FKBP4: variants seen among roughly 807,000 people sequenced by gnomAD.
The protein encoded by FKBP4 is peptidyl-prolyl cis-trans isomerase FKBP4.
Under a neutral mutation model 54.1 loss-of-function variants are expected in FKBP4, and 28 were observed. The observed-to-expected ratio is 0.52, with a 90% CI of 0.38 to 0.71. The LOEUF (loss-of-function observed/expected upper bound fraction) is 0.71, where lower values mean the gene tolerates loss of function less well. Among genes scored for constraint, FKBP4 ranks in the 30% least tolerant of loss-of-function variants. The probability of loss-of-function intolerance (pLI) is 0.00; values close to 1 mark genes in which losing one functional copy is unlikely to be tolerated. For synonymous variants in FKBP4, 223 were observed against 216.1 expected (o/e 1.03, Z -0.28); for missense variants, 493 against 574.4 (o/e 0.86, Z 1.45).
At chr12:2,796,012 A>ACTC in intron 1 of FKBP4, 2 of 1,152,762 alleles carry the variant, frequency 1.7e-6, no homozygotes, top group South Asian at 3.4e-5. Context: ...CCTGCCGCCG[A>ACTC]GTGACCGCTC....
At position 2,799,148 on chromosome 12, in the gene FKBP4, T is replaced by A. The variant is rs376456473; in HGVS notation, c.575T>A (p.Ile192Asn). ...GACCAGCGGGAGCTCCGCTTTGAGA[T>A]TGGCGAGGGGGAGAACCTGGATCTG... The part of the protein sequence containing the change: ...LFDQRELRFE[I>N]GEGENLDLPY... Residue 192 changes from isoleucine to asparagine, a missense_variant, in exon 5 of 10, where the codon ATT (isoleucine) becomes AAT (asparagine). By Grantham distance (149) the Ile-to-Asn change is moderately radical. Coordinates refer to ENST00000001008, the MANE Select transcript of FKBP4 (RefSeq NM_002014.4). 6.3e-7 allele frequency: 1 copy of A among 1,589,062 alleles called. No homozygotes were observed. Among genetic ancestry groups the A allele is most frequent in the Non-Finnish European group, 8.5e-7 (1 of 1,170,284 alleles).
chr12:2,798,644 G>T lies in FKBP4; in HGVS notation c.394-62G>T. 3 of 1,609,668 alleles carry T rather than the reference G, an allele frequency of 1.9e-6. No individual in the cohort carries two copies. The highest frequency in any genetic ancestry group is 1.1e-5 in the South Asian group (1 of 90,754). ...AGTAGGGACTCTCTCGGATGAGAAA[G>T]ATTGTGTTTCACTGCCCATGAGTTA... is the stretch of plus-strand genomic sequence containing the variant. On this transcript the variant is annotated intron_variant, in intron 3 of 9. Transcript: ENST00000001008. The surrounding 1 kb of genome is among the most constrained non-coding windows in gnomAD (Gnocchi z 4.3).
rs1232350601 is a variant in FKBP4, at chr12:2,805,191, T to C, written c.*1933T>C. 1 of 455,978 alleles carries C rather than the reference T, an allele frequency of 2.2e-6. No individual in the cohort carries two copies. Among genetic ancestry groups the C allele is most frequent in the Admixed American group, 2.3e-5 (1 of 42,558 alleles). 28.2% of individuals were successfully genotyped at this position (455,978 alleles called of 1,614,324 possible). ...AGATAAGAAAACCAAGACTCAGAAGTTAAATGGAAAGGTGAGGTCTCTGAA... is the reference window on the plus strand; with the variant it reads ...AGATAAGAAAACCAAGACTCAGAAGCTAAATGGAAAGGTGAGGTCTCTGAA... On this transcript the variant is annotated 3_prime_UTR_variant, in exon 10 of 10. Transcript: ENST00000001008.
intron 2 of FKBP4, 29 bp from the exon 3 acceptor site, chr12:2,797,700 G>T (rs948480379): frequency 5.0e-6 from 8 of 1,597,600 alleles, no homozygotes; most frequent in Non-Finnish European, 6.8e-6. Flanking sequence ...ACCCTGCTAA[G>T]GCGGTCCTGT....
rs545297834 is a variant in FKBP4 at position 2,801,904 on chromosome 12, T to A, written c.1272+548T>A. 504 of 171,666 alleles carry A rather than the reference T, an allele frequency of 2.9e-3. 7 individuals carry two copies. The highest frequency in any genetic ancestry group is 0.011 in the African/African-American group (444 of 42,016). 10.6% of individuals were successfully genotyped at this position (171,666 alleles called of 1,614,324 possible). On this transcript the variant is annotated intron_variant, in intron 9 of 9. Transcript: ENST00000001008. The stretch of plus-strand genomic sequence containing the variant: ...GTCTTGGATGGTCCAGTGTATTGCG[T>A]CAAGGCACAGGCAGACGTTCCTGTT...
In FKBP4 at chr12:2,795,067, A is replaced by G. The variant is rs1324733194; in HGVS notation, c.-73A>G. The G allele has an allele frequency of 4.2e-6, 4 of 945,980 alleles. No homozygotes were observed. Among genetic ancestry groups the G allele is most frequent in the South Asian group, 5.1e-5 (1 of 19,686 alleles). The allele number at this position is 945,980 out of a possible 1,614,324, so 58.6% of individuals were successfully genotyped here. On this transcript the variant is annotated 5_prime_UTR_variant, in exon 1 of 10. Transcript: ENST00000001008. The surrounding 1 kb of genome is among the most constrained non-coding windows in gnomAD (Gnocchi z 4.3). ...CCGGCCTCCCGCACGCCCCGCAGGTAGCGCCCCCGCCCGCGGCCCAGAGTG... is the reference window on the plus strand; with the variant it reads ...CCGGCCTCCCGCACGCCCCGCAGGTGGCGCCCCCGCCCGCGGCCCAGAGTG...
rs764677028 is a variant in FKBP4, at chr12:2,801,299, C to A, written c.1215C>A (p.Ala405=). The change falls in exon 9 of 10, where the codon GCC becomes GCA. Residue 405 remains alanine (A), a synonymous_variant. Coordinates refer to ENST00000001008, the MANE Select transcript of FKBP4 (RefSeq NM_002014.4). ...AGCAGCGGATCCGAAGGCAGCTTGC[C>A]CGGGAGAAGAAGCTCTATGCCAATA... ...VCQQRIRRQL[A]REKKLYANMF... 18 of 1,614,116 alleles carry A rather than the reference C, an allele frequency of 1.1e-5. No individual in the cohort carries two copies. The highest frequency in any genetic ancestry group is 1.5e-5 in the Non-Finnish European group (18 of 1,180,036).
In FKBP4 at chr12:2,800,510, A is replaced by G; in HGVS notation, c.965A>G (p.His322Arg). 6.2e-7 allele frequency: 1 copy of G among 1,614,070 alleles called. No homozygotes were observed. The highest frequency in any genetic ancestry group is 1.7e-5 in the Admixed American group (1 of 60,002). Residue 322 changes from histidine (H) to arginine (R), a missense_variant, in exon 8 of 10, where the codon CAC becomes CGC. Transcript: ENST00000001008. Reference sequence around the variant, plus strand: ...GCACAGGCCCTTCGACTGGCCTCTCACCTCAACCTGGCCATGTGTCATCTG... The same window carrying G: ...GCACAGGCCCTTCGACTGGCCTCTCGCCTCAACCTGGCCATGTGTCATCTG... ...QKAQALRLAS[H>R]LNLAMCHLKL...
At chr12:2,803,072 C>A in intron 9 of FKBP4, 79 bp from the exon 10 acceptor site, 1 of 1,007,438 alleles carries the variant, frequency 9.9e-7, no homozygotes, top group Non-Finnish European at 1.5e-6. Flanking sequence ...ATGGGTGTAT[C>A]TGTGTAATTC....
In FKBP4 at chr12:2,795,281, C is replaced by T. The variant is rs758053547; in HGVS notation, c.105+37C>T. On this transcript the variant is annotated intron_variant, in intron 1 of 9. Coordinates refer to ENST00000001008, the MANE Select transcript of FKBP4 (RefSeq NM_002014.4). The surrounding 1 kb of genome is among the most constrained non-coding windows in gnomAD (Gnocchi z 4.3). ...CGGGGCCTGCGGAGGCGTCGGAACCCGGGGCCCCGCGGGCCGCCCTTCCGC... is the reference window on the plus strand; with the variant it reads ...CGGGGCCTGCGGAGGCGTCGGAACCTGGGGCCCCGCGGGCCGCCCTTCCGC... 2 of 1,130,220 alleles carry T rather than the reference C, an allele frequency of 1.8e-6. No individual in the cohort carries two copies. The highest frequency in any genetic ancestry group is 2.2e-6 in the Non-Finnish European group (2 of 895,648). 70.0% of individuals were successfully genotyped at this position (1,130,220 alleles called of 1,614,324 possible). A position where few individuals can be genotyped will look rare whatever the true frequency, so the allele number is the denominator to read the frequency against.
chr12:2,800,338 G>T, intron 7 of FKBP4, 54 bp from the exon 8 acceptor site: 1 of 1,555,784 alleles, frequency 6.4e-7, no homozygotes, highest in Non-Finnish European at 8.7e-7. Flanking sequence ...CAGGGTATAA[G>T]AGCCTAGTAC....
At position 2,804,017 on chromosome 12, in the gene FKBP4, C is replaced by T. The variant is rs2097906254; in HGVS notation, c.*759C>T. 6.6e-6 allele frequency: 1 copy of T among 152,336 alleles called. No individual in the cohort carries two copies. Among genetic ancestry groups the T allele is most frequent in the African/African-American group, 2.4e-5 (1 of 41,256 alleles). 9.4% of individuals were successfully genotyped at this position (152,336 alleles called of 1,614,324 possible). ...GGTGGGTACATAATGGGTAGTAGCACAATCAAGGGGTCACCCACTTAGTTC... is the reference window on the plus strand; with the variant it reads ...GGTGGGTACATAATGGGTAGTAGCATAATCAAGGGGTCACCCACTTAGTTC... On this transcript the variant is annotated 3_prime_UTR_variant, in exon 10 of 10. Transcript: ENST00000001008.
In FKBP4 at chr12:2,797,106, TG is replaced by T. The variant is rs1014322400; in HGVS notation, c.106-28del. Reference sequence around the variant, plus strand: ...TGGTGCCCCTTTCTGCCCCAAACCCTGGGGTACTCACTTTCTCCCCCTTCCT... The same window carrying T: ...TGGTGCCCCTTTCTGCCCCAAACCCTGGGTACTCACTTTCTCCCCCTTCCT... On this transcript the variant is annotated intron_variant, in intron 1 of 9. Coordinates refer to ENST00000001008, the MANE Select transcript of FKBP4 (RefSeq NM_002014.4). 44 of 1,611,202 alleles carry T rather than the reference TG, an allele frequency of 2.7e-5. 1 individual carries two copies. The Admixed American group carries it at 5.0e-4, about 18-fold the overall frequency.
At chr12:2,796,563 A>G in intron 1 of FKBP4, 1 of 1,187,396 alleles carries the variant, frequency 8.4e-7, no homozygotes, top group Non-Finnish European at 1.1e-6. Context: ...TCAGCTCCCA[A>G]GTCAGAGTTT....
rs1253594090 is a variant in FKBP4, at chr12:2,804,459, A to T, written c.*1201A>T. ...AGTGTTCACGTCCAGCTTCCTTCTC[A>T]GCCTTAACAGGAAAAGGCTTGTGCT... On this transcript the variant is annotated 3_prime_UTR_variant, in exon 10 of 10. Coordinates refer to ENST00000001008, the MANE Select transcript of FKBP4 (RefSeq NM_002014.4). The T allele has an allele frequency of 6.6e-6, 1 of 152,260 alleles. No individual in the cohort carries two copies. The highest frequency in any genetic ancestry group is 1.5e-5 in the Non-Finnish European group (1 of 68,068). The allele number at this position is 152,260 out of a possible 1,614,324, so 9.4% of individuals were successfully genotyped here. A position where few individuals can be genotyped will look rare whatever the true frequency, so the allele number is the denominator to read the frequency against.
In FKBP4 at chr12:2,797,784, G is replaced by T. The variant is rs763351881; in HGVS notation, c.306G>T (p.Val102=). 1 of 1,613,894 alleles carries T rather than the reference G, an allele frequency of 6.2e-7. No individual in the cohort carries two copies. Among genetic ancestry groups the T allele is most frequent in the African/African-American group, 1.3e-5 (1 of 74,926 alleles). The part of the protein sequence containing the change: ...IAIATMKVGE[V]CHITCKPEYA... The stretch of plus-strand genomic sequence containing the variant: ...TAGCCACCATGAAGGTGGGGGAGGT[G>T]TGCCACATCACCTGCAAACCAGAAT... The change falls in exon 3 of 10, where the codon GTG becomes GTT. Residue 102 remains valine (V), a synonymous_variant. Transcript: ENST00000001008.
At chr12:2,800,997 G>A in intron 8 of FKBP4, 120 bp from the exon 9 acceptor site, 1 of 1,356,664 alleles carries the variant, frequency 7.4e-7, no homozygotes, top group Non-Finnish European at 1.0e-6. Context: ...TTCCTGGGGT[G>A]CAGCCAGCCA....
At position 2,798,054 on chromosome 12, in the gene FKBP4, G is replaced by C. The variant is rs914060337; in HGVS notation, c.393+183G>C. Among the ~76,000 whole-genome samples, 1 of 152,190 alleles carries C rather than the reference G, an allele frequency of 6.6e-6. No homozygotes were observed. Among genetic ancestry groups the C allele is most frequent in the African/African-American group, 2.4e-5 (1 of 41,452 alleles). ...TAGTAATGGAAGTAATAGAAGCTTC[G>C]GGTGGGAAGAGGCAGGCACAAGCCC... On this transcript the variant is annotated intron_variant, in intron 3 of 9. Transcript: ENST00000001008. The surrounding 1 kb of genome is among the most constrained non-coding windows in gnomAD (Gnocchi z 4.3).
chr12:2,799,316 A>C, intron 5 of FKBP4, 72 bp downstream of exon 5: 1 of 1,433,020 alleles, frequency 7.0e-7, no homozygotes, highest in Non-Finnish European at 9.2e-7. Flanking sequence ...GAATTGTAGA[A>C]CCAGCTGTTT....
Sources: gnomAD v4.1 joint callset for allele counts (sites outside exome capture counted in the v4.1 genomes callset) on GRCh38, gnomAD v4.1.1 for gene constraint, Gnocchi (gnomAD v3.1) non-coding constraint, MANE v1.5 for transcripts, NCBI Gene and HGNC (gene_info 2026-07-23, HGNC 2026-07-21) for gene names.